MBNL2: variants seen among roughly 807,000 people sequenced by gnomAD.
MBNL2 encodes muscleblind-like protein 2.
Under a neutral mutation model 41.9 loss-of-function variants are expected in MBNL2, and 17 were observed. That is an observed-to-expected ratio of 0.41 (90% CI 0.28 to 0.61). The LOEUF (loss-of-function observed/expected upper bound fraction) is 0.61. Among genes scored for constraint, MBNL2 ranks in the 20% least tolerant of loss-of-function variants. The pLI is 0.35. For missense variants in MBNL2, 336 were observed against 505.6 expected, an observed-to-expected ratio of 0.66 and a Z score of 3.22; for synonymous variants, 195 against 182.9, an observed-to-expected ratio of 1.07 and a Z score of -0.53.
At chr13:97,147,690 G>A in the MBNL2 span, among the ~76,000 whole-genome samples, 131 of 152,260 alleles carry the variant, frequency 8.6e-4, no homozygotes, top group African/African-American at 3.0e-3. Context: ...GCCAGAGTCC[G>A]TGTAGGTATC....
intron 1 of MBNL2, among the ~76,000 whole-genome samples, chr13:97,252,559 G>C (rs1430936412): frequency 1.3e-5 from 2 of 151,970 alleles, no homozygotes; most frequent in Non-Finnish European, 2.9e-5. Context: ...AGTAAATTTT[G>C]TTAATTTTTT....
At chr13:97,236,510 G>A (rs1193517546) in intron 1 of MBNL2, among the ~76,000 whole-genome samples, 1 of 149,892 alleles carries the variant, frequency 6.7e-6, no homozygotes, top group East Asian at 2.0e-4. Context: ...CAGGATATGT[G>A]GTCTTTTTTT....
chr13:97,356,912 AT>A, intron 6 of MBNL2, 63 bp downstream of exon 6: 1 of 1,069,014 alleles, frequency 9.4e-7, no homozygotes. Flanking sequence ...TGAGATTTGT[AT>A]TACTTGTAAA....
intron 2 of MBNL2, among the ~76,000 whole-genome samples, chr13:97,303,552 AGTGATATT>A (rs2057846069): frequency 6.6e-6 from 1 of 152,216 alleles, no homozygotes; most frequent in Non-Finnish European, 1.5e-5. Context: ...AGGCTGCACC[AGTGATATT>A]TTGGATCGTT....
At chr13:97,368,077 A>AT (rs1401972887) in intron 8 of MBNL2, among the ~76,000 whole-genome samples, 2 of 152,036 alleles carry the variant, frequency 1.3e-5, no homozygotes, top group Non-Finnish European at 2.9e-5. Context: ...TGTTTATGTG[A>AT]TTTTTGACCC....
At chr13:97,211,046 A>AT in the MBNL2 span, among the ~76,000 whole-genome samples, 3 of 152,202 alleles carry the variant, frequency 2.0e-5, no homozygotes, top group East Asian at 3.9e-4. Flanking sequence ...ATAACATTTG[A>AT]TGCATGATCT....
At chr13:97,292,372 G>C (rs558528874) in intron 2 of MBNL2, among the ~76,000 whole-genome samples, 1 of 152,252 alleles carries the variant, frequency 6.6e-6, no homozygotes, top group South Asian at 2.1e-4. Flanking sequence ...AAAGCTTGGG[G>C]AGAACTCGGT....
At position 97,386,128 on chromosome 13, in the gene MBNL2, A is replaced by T. The variant is rs1035974443; in HGVS notation, c.1049-5194A>T. On this transcript the variant is annotated intron_variant, in intron 8 of 8. Transcript: ENST00000679496. ...TACTCTCTTTCTTTGGGCGAAAGCCAAATGTCTGAAAGTTGTAGGACTAAC... is the reference window on the plus strand; with the variant it reads ...TACTCTCTTTCTTTGGGCGAAAGCCTAATGTCTGAAAGTTGTAGGACTAAC... Among the ~76,000 whole-genome samples, 8 of 152,228 alleles carry T rather than the reference A, an allele frequency of 5.3e-5. No individual in the cohort carries two copies. The South Asian group carries it at 1.7e-3, about 31-fold the overall frequency.
intron 2 of MBNL2, among the ~76,000 whole-genome samples, chr13:97,325,729 C>T (rs2059858312): frequency 6.6e-6 from 1 of 152,054 alleles, no homozygotes; most frequent in African/African-American, 2.4e-5. Context: ...GACCCTGTTT[C>T]AAAAATAAAA....
the MBNL2 span, among the ~76,000 whole-genome samples, chr13:97,210,001 G>A: frequency 6.6e-6 from 1 of 152,062 alleles, no homozygotes; most frequent in African/African-American, 2.4e-5. Flanking sequence ...TCACCGTATT[G>A]GCCAGGCTGG....
intron 2 of MBNL2, among the ~76,000 whole-genome samples, chr13:97,318,765 A>G (rs2059261386): frequency 6.6e-6 from 1 of 152,188 alleles, no homozygotes; most frequent in Non-Finnish European, 1.5e-5. Flanking sequence ...AGGTCCTAAG[A>G]GAAAGAGGAA....
chr13:97,204,634 T>G, the MBNL2 span, among the ~76,000 whole-genome samples: 7 of 152,208 alleles, frequency 4.6e-5, no homozygotes, highest in African/African-American at 1.7e-4. Context: ...AAAAAATTCT[T>G]AATTATGTAG....
At chr13:97,284,702 C>T (rs1390996201) in intron 2 of MBNL2, among the ~76,000 whole-genome samples, 1 of 152,106 alleles carries the variant, frequency 6.6e-6, no homozygotes, top group Non-Finnish European at 1.5e-5. Context: ...TTCTAATGAT[C>T]GGATTTGGCA....
the MBNL2 span, among the ~76,000 whole-genome samples, chr13:97,201,251 C>T: frequency 6.6e-6 from 1 of 152,154 alleles, no homozygotes; most frequent in African/African-American, 2.4e-5. Flanking sequence ...AACACATAGT[C>T]CTCCTGTCTG....
At chr13:97,369,240 AC>A (rs1457000739) in intron 8 of MBNL2, among the ~76,000 whole-genome samples, 1 of 152,184 alleles carries the variant, frequency 6.6e-6, no homozygotes, top group Non-Finnish European at 1.5e-5. Flanking sequence ...TTAAGATTTC[AC>A]TCTTTAAACT....
intron 1 of MBNL2, among the ~76,000 whole-genome samples, chr13:97,256,651 C>T (rs774667511): frequency 1.3e-5 from 2 of 152,200 alleles, no homozygotes; most frequent in African/African-American, 2.4e-5. Context: ...ATGCCTTATA[C>T]GAGTGTTCTG....
At chr13:97,351,719 G>A (rs7989284) in intron 5 of MBNL2, among the ~76,000 whole-genome samples, 16,870 of 152,166 alleles carry the variant, frequency 0.11, 1,511 homozygotes, top group African/African-American at 0.25. Context: ...GGAGAGTCAG[G>A]ACCTTGCTCT....
chr13:97,231,360 G>T (rs1168793261), intron 1 of MBNL2, among the ~76,000 whole-genome samples: 6 of 152,164 alleles, frequency 3.9e-5, no homozygotes, highest in Non-Finnish European at 7.3e-5. Flanking sequence ...TTTGTAACAG[G>T]CTCCAGGTGA....
chr13:97,335,767 C>G (rs1326231980), intron 3 of MBNL2, among the ~76,000 whole-genome samples: 1 of 152,098 alleles, frequency 6.6e-6, no homozygotes, highest in African/African-American at 2.4e-5. Flanking sequence ...AGAATTCGCC[C>G]AGATTAAGGA....
Sources: gnomAD v4.1 joint callset for allele counts (sites outside exome capture counted in the v4.1 genomes callset) on GRCh38, gnomAD v4.1.1 for gene constraint, MANE v1.5 for transcripts, NCBI Gene and HGNC (gene_info 2026-07-23, HGNC 2026-07-21) for gene names.